The following CPNE2 variants were observed in gnomAD, a reference collection of about 807,000 sequenced individuals.
The protein encoded by CPNE2 is copine 2, also known as copine-2.
In CPNE2, 42 loss-of-function variants were observed where a neutral mutation model predicts 69.7. The observed-to-expected ratio is 0.60, with a 90% CI of 0.47 to 0.78. The LOEUF (loss-of-function observed/expected upper bound fraction) is 0.78. Ranked by LOEUF, CPNE2 falls within the 30% of genes least tolerant of loss-of-function variation. The pLI, the probability that CPNE2 is intolerant of heterozygous loss-of-function variation, is 0.00. For missense variants in CPNE2, 587 were observed against 732.0 expected (o/e 0.80, Z 2.29); for synonymous variants, 294 against 289.8 (o/e 1.01, Z -0.15).
intron 1 of CPNE2, among the ~76,000 whole-genome samples, chr16:57,099,353 T>A (rs1293754605): frequency 1.3e-5 from 2 of 152,128 alleles, no homozygotes; most frequent in Non-Finnish European, 2.9e-5. Context: ...CTTCCAATCA[T>A]GGGGGTTTGG....
chr16:57,098,543 G>A (rs2145232019), intron 1 of CPNE2, among the ~76,000 whole-genome samples: 1 of 152,344 alleles, frequency 6.6e-6, no homozygotes, highest in Non-Finnish European at 1.5e-5. Context: ...TGTGGCCAGG[G>A]TTCCTGTGTG....
Position 57,121,735 on chromosome 16 carries a change from GCAT to G in CPNE2, c.850_852del (p.Ile284del). ...AAGAAGAAGAACTATAAAAACTCGGGCATCATCATCCTGCGATCCTGCAAGGTG... is the reference window on the plus strand; with the variant it reads ...AAGAAGAAGAACTATAAAAACTCGGGCATCATCCTGCGATCCTGCAAGGTG... On this transcript the variant is annotated inframe_deletion, in exon 9 of 16. Transcript: ENST00000290776. 1 of 1,614,142 alleles carries G rather than the reference GCAT, an allele frequency of 6.2e-7. No homozygotes were observed. Among genetic ancestry groups the G allele is most frequent in the Non-Finnish European group, 8.5e-7 (1 of 1,180,020 alleles).
chr16:57,124,263 G>A, intron 10 of CPNE2: 1 of 379,990 alleles, frequency 2.6e-6, no homozygotes. Context: ...TGCATTTTCT[G>A]TAGAGATGGG....
Position 57,117,580 on chromosome 16 carries a change from G to A in CPNE2, c.507+13G>A, listed in dbSNP as rs1257808123. 5 of 1,612,796 alleles carry A rather than the reference G, an allele frequency of 3.1e-6. No individual in the cohort carries two copies. The highest frequency in any genetic ancestry group is 4.2e-6 in the Non-Finnish European group (5 of 1,179,528). ...GCTGGACAAGAAGGTAAGGCGGGCA[G>A]AGGAAGGGCTCCCATTGGGAACAGT... On this transcript the variant is annotated intron_variant, in intron 5 of 15. Transcript: ENST00000290776.
At chr16:57,115,222 A>G (rs2069709853) in intron 3 of CPNE2, among the ~76,000 whole-genome samples, 1 of 152,134 alleles carries the variant, frequency 6.6e-6, no homozygotes, top group African/African-American at 2.4e-5. Context: ...CTAGGGGCAA[A>G]CCAGGCAGTG....
rs11347830 is a variant in CPNE2, at chr16:57,107,865, CTT to C, written c.-35-2821_-35-2820del. Among the ~76,000 whole-genome samples, 836 of 98,790 alleles carry C rather than the reference CTT, an allele frequency of 8.5e-3. 7 individuals are homozygous for C. Among genetic ancestry groups the C allele is most frequent in the African/African-American group, 0.025 (628 of 24,794 alleles). The allele number at this position is 98,790 out of a possible 152,430, so 64.8% of individuals were successfully genotyped here. On this transcript the variant is annotated intron_variant, in intron 1 of 15. Transcript: ENST00000290776. ...CCTGCACGGGCTAAGACAGAGCAATCTTTTTTTTTTTTTTTTTTTTTTTGAGA... is the reference window on the plus strand; with the variant it reads ...CCTGCACGGGCTAAGACAGAGCAATCTTTTTTTTTTTTTTTTTTTTTGAGA...
At chr16:57,103,677 CT>C (rs1317277213) in intron 1 of CPNE2, among the ~76,000 whole-genome samples, 1 of 152,192 alleles carries the variant, frequency 6.6e-6, no homozygotes, top group Non-Finnish European at 1.5e-5. Context: ...CTGTCCCCTC[CT>C]CTCCGCCCAT....
At position 57,121,142 on chromosome 16, in the gene CPNE2, A is replaced by G; in HGVS notation, c.731A>G (p.Glu244Gly). 1 of 1,614,052 alleles carries G rather than the reference A, an allele frequency of 6.2e-7. No homozygotes were observed. The highest frequency in any genetic ancestry group is 8.5e-7 in the Non-Finnish European group (1 of 1,179,988). The part of the protein sequence containing the change: ...DNDGGHDFIG[E>G]FQTSVSQMCE... ...GACGGGGGCCATGACTTCATCGGCG[A>G]GTTCCAGACCTCAGTGTCACAGATG... Residue 244 changes from glutamate to glycine, a missense_variant, in exon 8 of 16, where the codon GAG becomes GGG. Physicochemically the swap from Glu to Gly is moderately conservative, Grantham distance 98. Transcript: ENST00000290776.
Position 57,147,609 on chromosome 16 carries a change from A to G in CPNE2, c.1598A>G (p.Gln533Arg). ...VLAELPQQVVQYFKHKNLPPT... is the reference protein window; with the variant it reads ...VLAELPQQVVRYFKHKNLPPT... Reference sequence around the variant, plus strand: ...GCGGAGCTGCCCCAACAAGTTGTGCAGTATTTCAAGCATAAAAACCTGCCC... The same window carrying G: ...GCGGAGCTGCCCCAACAAGTTGTGCGGTATTTCAAGCATAAAAACCTGCCC... Residue 533 changes from glutamine (Q) to arginine (R), a missense_variant, in exon 16 of 16, where the codon CAG becomes CGG. Gln to Arg is a conservative substitution (Grantham distance 43, BLOSUM62 1). Around this residue, in one of 5 missense-constraint regions of CPNE2, gnomAD observed 185 missense variants for 252.3 expected, o/e 0.73. Coordinates refer to ENST00000290776, the MANE Select transcript of CPNE2 (RefSeq NM_152727.6). 1.2e-6 allele frequency: 2 copies of G among 1,609,520 alleles called. No individual in the cohort carries two copies. The highest frequency in any genetic ancestry group is 8.5e-7 in the Non-Finnish European group (1 of 1,176,756).
chr16:57,101,506 A>G (rs1015774074), intron 1 of CPNE2, among the ~76,000 whole-genome samples: 1 of 152,228 alleles, frequency 6.6e-6, no homozygotes, highest in Non-Finnish European at 1.5e-5. Context: ...AGAGGTTGCA[A>G]ACTCAGAAGT....
At chr16:57,137,695 C>T (rs1054807873) in intron 14 of CPNE2, among the ~76,000 whole-genome samples, 7 of 152,232 alleles carry the variant, frequency 4.6e-5, no homozygotes, top group African/African-American at 1.7e-4. Context: ...CCTGGCCCTA[C>T]ACTCAGCAAC....
chr16:57,093,917 G>A (rs1431651980), intron 1 of CPNE2: 10 of 379,872 alleles, frequency 2.6e-5, no homozygotes, highest in Non-Finnish European at 5.3e-5. Flanking sequence ...AGGCCTGGGA[G>A]ACCTGGGTCT....
At chr16:57,102,755 C>T (rs568456384) in intron 1 of CPNE2, among the ~76,000 whole-genome samples, 1 of 152,190 alleles carries the variant, frequency 6.6e-6, no homozygotes, top group East Asian at 1.9e-4. Context: ...GCACCTACCA[C>T]CATGCCTGGC....
At chr16:57,098,616 A>T (rs1477521311) in intron 1 of CPNE2, among the ~76,000 whole-genome samples, 2 of 152,012 alleles carry the variant, frequency 1.3e-5, no homozygotes, top group Admixed American at 6.6e-5. Flanking sequence ...AGAACTCATG[A>T]CTCTGAAATC....
chr16:57,117,667 C>A, intron 5 of CPNE2, 100 bp downstream of exon 5: 1 of 1,349,980 alleles, frequency 7.4e-7, no homozygotes, highest in Non-Finnish European at 1.0e-6. Flanking sequence ...CCACCTCCAT[C>A]ACATTCTAGG....
At chr16:57,120,213 C>T (rs1363166772) in intron 7 of CPNE2, among the ~76,000 whole-genome samples, 2 of 150,390 alleles carry the variant, frequency 1.3e-5, no homozygotes, top group Non-Finnish European at 2.9e-5. Context: ...GCGGAGGTTG[C>T]AGAGCCCAGA....
intron 1 of CPNE2, among the ~76,000 whole-genome samples, chr16:57,095,176 C>T (rs2069570731): frequency 6.6e-6 from 1 of 152,238 alleles, no homozygotes; most frequent in African/African-American, 2.4e-5. Flanking sequence ...CCCTGCCAGA[C>T]ACGGTGGTGT....
intron 9 of CPNE2, among the ~76,000 whole-genome samples, chr16:57,122,907 T>C (rs1366195172): frequency 2.2e-3 from 49 of 22,308 alleles, no homozygotes; most frequent in African/African-American, 9.8e-3. Context: ...TCTTTTCTCT[T>C]TTTTTTTTTT....
At chr16:57,137,856 T>C (rs1426539029) in intron 14 of CPNE2, among the ~76,000 whole-genome samples, 2 of 152,204 alleles carry the variant, frequency 1.3e-5, no homozygotes, top group Non-Finnish European at 1.5e-5. Context: ...AGGCAGGCCC[T>C]ACTGGCAGGG....
Sources: gnomAD v4.1 joint callset for allele counts (sites outside exome capture counted in the v4.1 genomes callset) on GRCh38, gnomAD v4.1.1 for gene constraint, gnomAD v4.1.1 regional missense constraint, MANE v1.5 for transcripts, NCBI Gene and HGNC (gene_info 2026-07-23, HGNC 2026-07-21) for gene names.